The following IGF1R variants were observed in gnomAD, a reference collection of about 807,000 sequenced individuals.
IGF1R encodes the protein insulin like growth factor 1 receptor.
In IGF1R, 44 loss-of-function variants were observed where a neutral mutation model predicts 144.6. The ratio of observed to expected loss-of-function variants is 0.30; its 90% CI spans 0.24 to 0.39. IGF1R has a LOEUF of 0.39. IGF1R is among the 10% of genes least tolerant of loss of function. The pLI is 1.00. For missense variants in IGF1R, 1,355 were observed against 1,833.7 expected (o/e 0.74, Z 4.77); for synonymous variants, 795 against 722.8 (o/e 1.10, Z -1.60).
chr15:98,849,023 T>C (rs2011446639), intron 2 of IGF1R, among the ~76,000 whole-genome samples: 1 of 152,054 alleles, frequency 6.6e-6, no homozygotes. Context: ...TTCAATTTAA[T>C]ATAAATCCAA....
chr15:98,861,644 T>C (rs1434391850), intron 2 of IGF1R, among the ~76,000 whole-genome samples: 2 of 152,210 alleles, frequency 1.3e-5, no homozygotes, highest in African/African-American at 4.8e-5. Context: ...ATCCCGTCTT[T>C]ACCACCTCTG....
rs1230299206 is a variant in IGF1R, at chr15:98,935,683, C to G, written c.3297+257C>G. 6.6e-6 allele frequency among the ~76,000 whole-genome samples: 1 copy of G among 152,064 alleles called. No individual in the cohort carries two copies. Among genetic ancestry groups the G allele is most frequent in the Non-Finnish European group, 1.5e-5 (1 of 68,012 alleles). ...CCTCTGTGCCTTTGTTCCTGCATTC[C>G]CTCCACCCCCAGTCCCCTCCCCACA... On this transcript the variant is annotated intron_variant, in intron 17 of 20. Transcript: ENST00000650285. The surrounding 1 kb of genome is among the most constrained non-coding windows in gnomAD (Gnocchi z 4.2).
chr15:98,753,583 G>GT (rs139696694), intron 2 of IGF1R, among the ~76,000 whole-genome samples: 4,422 of 151,006 alleles, frequency 0.029, 190 homozygotes, highest in African/African-American at 0.098. Flanking sequence ...GGAGATGTGG[G>GT]TTTTTTTTCC....
intron 2 of IGF1R, among the ~76,000 whole-genome samples, chr15:98,874,700 C>T (rs1050849369): frequency 2.6e-5 from 4 of 152,174 alleles, no homozygotes; most frequent in African/African-American, 9.7e-5. Context: ...CTTTCAGCTC[C>T]AGAATTCGAA....
intron 11 of IGF1R, 143 bp downstream of exon 11, chr15:98,922,574 A>G: frequency 1.0e-6 from 1 of 969,782 alleles, no homozygotes; most frequent in Non-Finnish European, 1.6e-6. Context: ...AGTCATTGGC[A>G]GGTGGCGTGT....
At chr15:98,922,589 C>T (rs1596454463) in intron 11 of IGF1R, 158 bp downstream of exon 11, 1 of 819,602 alleles carries the variant, frequency 1.2e-6, no homozygotes. Context: ...GCGTGTAGAC[C>T]AGCTGCCCAG....
intron 2 of IGF1R, among the ~76,000 whole-genome samples, chr15:98,861,574 T>A (rs1163005685): frequency 6.6e-6 from 1 of 152,208 alleles, no homozygotes; most frequent in Non-Finnish European, 1.5e-5. Flanking sequence ...TTGTTTTCAT[T>A]TGGGAGACAG....
At chr15:98,680,567 T>C (rs1056439981) in intron 1 of IGF1R, among the ~76,000 whole-genome samples, 1 of 151,714 alleles carries the variant, frequency 6.6e-6, no homozygotes, top group Non-Finnish European at 1.5e-5. Flanking sequence ...CGCCTGGCCT[T>C]TTGTTTCGTT....
intron 2 of IGF1R, among the ~76,000 whole-genome samples, chr15:98,859,019 C>T (rs559457425): frequency 1.3e-5 from 2 of 152,004 alleles, no homozygotes; most frequent in South Asian, 4.2e-4. Context: ...ATTAGGAAGC[C>T]CAGCCTCCGG....
rs1194090377 is a variant in IGF1R, at chr15:98,891,320, C to A, written c.641-5C>A. The A allele has an allele frequency of 6.2e-7, 1 of 1,605,178 alleles. No homozygotes were observed. The highest frequency in any genetic ancestry group is 8.5e-7 in the Non-Finnish European group (1 of 1,179,894). Reference sequence around the variant, plus strand: ...CTCATCTCCGTCTCTCCTCTCTCTCCACAGTGTGCCCAAGCACGTGTGGGA... The same window carrying A: ...CTCATCTCCGTCTCTCCTCTCTCTCAACAGTGTGCCCAAGCACGTGTGGGA... On this transcript the variant is annotated splice_polypyrimidine_tract_variant and splice_region_variant and intron_variant, in intron 2 of 20. Transcript: ENST00000650285. This position sits in a 1 kb window ranked among gnomAD's most constrained non-coding sequence, Gnocchi z 4.7.
intron 10 of IGF1R, among the ~76,000 whole-genome samples, chr15:98,917,870 TA>T: frequency 6.6e-6 from 1 of 152,282 alleles, no homozygotes; most frequent in South Asian, 2.1e-4. Flanking sequence ...CCATAATCGA[TA>T]GGTTTTCTAT....
At chr15:98,697,883 G>A (rs1027157074) in intron 1 of IGF1R, among the ~76,000 whole-genome samples, 32 of 146,050 alleles carry the variant, frequency 2.2e-4, no homozygotes, top group African/African-American at 7.3e-4. Context: ...AATTACACGC[G>A]CCCGCCACCA....
chr15:98,773,461 T>C (rs2055640774), intron 2 of IGF1R, among the ~76,000 whole-genome samples: 1 of 152,174 alleles, frequency 6.6e-6, no homozygotes, highest in Admixed American at 6.5e-5. Flanking sequence ...TCTCAAGAAG[T>C]ATGTGCAGTT....
chr15:98,756,071 A>AT (rs1284504091), intron 2 of IGF1R, among the ~76,000 whole-genome samples: 2 of 152,082 alleles, frequency 1.3e-5, no homozygotes, highest in Non-Finnish European at 2.9e-5. Flanking sequence ...ATTTGCTAAT[A>AT]TTTTTTTAAA....
At chr15:98,852,284 T>G (rs2011560552) in intron 2 of IGF1R, among the ~76,000 whole-genome samples, 1 of 152,088 alleles carries the variant, frequency 6.6e-6, no homozygotes, top group Admixed American at 6.5e-5. Context: ...GGGCTGAGGC[T>G]CCTTTTGTCT....
chr15:98,930,601 T>C (rs534668156), intron 15 of IGF1R, among the ~76,000 whole-genome samples: 2 of 152,240 alleles, frequency 1.3e-5, no homozygotes, highest in Non-Finnish European at 2.9e-5. Context: ...TGAGATGTTA[T>C]GCTAGAATGA....
At position 98,896,289 on chromosome 15, in the gene IGF1R, A is replaced by G. The variant is rs572683534; in HGVS notation, c.954-468A>G. On this transcript the variant is annotated intron_variant, in intron 3 of 20. Coordinates refer to ENST00000650285, the MANE Select transcript of IGF1R (RefSeq NM_000875.5). ...AAACACTGACTGCAGGAGCTAGACT[A>G]CTGTTAGGCAGAGACACTGCACTCC... is the stretch of plus-strand genomic sequence containing the variant. 2.6e-5 allele frequency among the ~76,000 whole-genome samples: 4 copies of G among 152,262 alleles called. No individual in the cohort carries two copies. The South Asian group carries it at 8.3e-4, about 32-fold the overall frequency.
intron 2 of IGF1R, among the ~76,000 whole-genome samples, chr15:98,744,009 G>A (rs2054807590): frequency 6.6e-6 from 1 of 152,144 alleles, no homozygotes; most frequent in South Asian, 2.1e-4. Flanking sequence ...GGGACTGTGA[G>A]CATGAGTTTG....
chr15:98,811,881 C>T (rs912205040), intron 2 of IGF1R, among the ~76,000 whole-genome samples: 8 of 152,172 alleles, frequency 5.3e-5, no homozygotes, highest in African/African-American at 1.9e-4. Context: ...AGAGATCGCG[C>T]CACTGCAGTC....
Sources: allele counts gnomAD v4.1 joint callset (sites outside exome capture counted in the v4.1 genomes callset), GRCh38; gene constraint gnomAD v4.1.1; non-coding constraint Gnocchi (gnomAD v3.1); transcripts MANE v1.5; gene names NCBI Gene and HGNC (gene_info 2026-07-23, HGNC 2026-07-21).